The following PHOX2A variants were observed in gnomAD, a reference collection of about 807,000 sequenced individuals.
PHOX2A encodes the protein paired like homeobox 2A.
A neutral mutation model predicts 16.4 loss-of-function variants in PHOX2A; 10 were observed. The ratio of observed to expected loss-of-function variants is 0.61; its 90% confidence interval spans 0.38 to 1.04. PHOX2A has a LOEUF of 1.04. PHOX2A is among the 50% of genes least tolerant of loss of function. The probability of loss-of-function intolerance (pLI) is 0.01; values close to 1 mark genes in which losing one functional copy is unlikely to be tolerated. For synonymous variants in PHOX2A, 219 were observed against 203.8 expected (o/e 1.07, Z -0.64); for missense variants, 361 against 419.4 (o/e 0.86, Z 1.22).
chr11:72,242,731 A>T (rs1177903667), intron 1 of PHOX2A, among the ~76,000 whole-genome samples: 1 of 151,328 alleles, frequency 6.6e-6, no homozygotes, highest in East Asian at 1.9e-4. Context: ...GTCTCAGCTC[A>T]CTGCAACCTC....
chr11:72,241,469 C>T (rs1301333678), intron 1 of PHOX2A, among the ~76,000 whole-genome samples, 180 bp from the exon 2 acceptor site: 1 of 152,024 alleles, frequency 6.6e-6, no homozygotes, highest in African/African-American at 2.4e-5. Context: ...TCAATGGAGC[C>T]GGCGGGATAA....
chr11:72,240,757 G>C (rs547770045), intron 2 of PHOX2A, among the ~76,000 whole-genome samples: 1 of 152,314 alleles, frequency 6.6e-6, no homozygotes, highest in African/African-American at 2.4e-5. Context: ...GGGAACCCCA[G>C]GGGTGCTGAC....
At chr11:72,243,410 T>TGGGGTGATAAGTGGTGATAGGGC (rs1949137120) in intron 1 of PHOX2A, among the ~76,000 whole-genome samples, 2 of 150,018 alleles carry the variant, frequency 1.3e-5, no homozygotes, top group Admixed American at 6.6e-5. Flanking sequence ...GGTGATGGGG[T>TGGGGTGATAAGTGGTGATAGGGC]GGGGTGATAA....
In PHOX2A at chr11:72,239,826, C is replaced by T. The variant is rs745442750; in HGVS notation, c.778G>A (p.Gly260Ser). The T allele has an allele frequency of 5.1e-6, 7 of 1,364,656 alleles. No individual in the cohort carries two copies. Among genetic ancestry groups the T allele is most frequent in the East Asian group, 3.0e-5 (1 of 33,666 alleles). 84.5% of individuals were successfully genotyped at this position (1,364,656 alleles called of 1,614,324 possible). The change falls in exon 3 of 3, where the codon GGC becomes AGC. Residue 260 changes from glycine (G) to serine (S), a missense_variant. By Grantham distance (56) the Gly-to-Ser change is moderately conservative. Coordinates refer to ENST00000298231, the MANE Select transcript of PHOX2A (RefSeq NM_005169.4). Reference protein sequence around the residue: ...LLKAWQPAESGPGPFSGVLSS... With the variant: ...LLKAWQPAESSPGPFSGVLSS... ...AGAACCCCGGAGAAGGGCCCGGGGC[C>T]GGACTCCGCCGGCTGCCAAGCCTTA...
chr11:72,239,109 A>G lies in PHOX2A; in HGVS notation c.*640T>C, dbSNP rs1352436746. On this transcript the variant is annotated 3_prime_UTR_variant, in exon 3 of 3. Transcript: ENST00000298231. ...AATAAATTAAGTTTTATTTGGATTGAGTAAAACTTCAATAAATTACAAGTT... is the reference window on the plus strand; with the variant it reads ...AATAAATTAAGTTTTATTTGGATTGGGTAAAACTTCAATAAATTACAAGTT... The G allele has an allele frequency of 3.9e-5, 6 of 152,212 alleles. No homozygotes were observed. Among genetic ancestry groups the G allele is most frequent in the African/African-American group, 1.4e-4 (6 of 41,430 alleles). The allele number at this position is 152,212 out of a possible 1,614,324, so 9.4% of individuals were successfully genotyped here.
chr11:72,242,068 C>T (rs1160986463), intron 1 of PHOX2A, among the ~76,000 whole-genome samples: 1 of 151,910 alleles, frequency 6.6e-6, no homozygotes, highest in African/African-American at 2.4e-5. Context: ...GAGAAGACTT[C>T]CTCCATCTTC....
At chr11:72,241,332 TGGG>T (rs1565403072) in intron 1 of PHOX2A, 43 bp from the exon 2 acceptor site, 6 of 661,346 alleles carry the variant, frequency 9.1e-6, no homozygotes, top group Non-Finnish European at 1.4e-5. Context: ...GCAAAAAGGA[TGGG>T]GGAGTGAGAA....
At chr11:72,240,328 C>G in intron 2 of PHOX2A, 130 bp from the exon 3 acceptor site, 1 of 1,260,818 alleles carries the variant, frequency 7.9e-7, no homozygotes, top group Non-Finnish European at 1.1e-6. Flanking sequence ...GTTGGAGGGG[C>G]CTTCGGCCCT....
In PHOX2A at chr11:72,239,166, G is replaced by A. The variant is rs926009573; in HGVS notation, c.*583C>T. On this transcript the variant is annotated 3_prime_UTR_variant, in exon 3 of 3. Coordinates refer to ENST00000298231, the MANE Select transcript of PHOX2A (RefSeq NM_005169.4). ...AGAAAAAGGACAACCAAAAAAATTAGGGAAAGAGAATCCCTCTGTCCCATT... is the reference window on the plus strand; with the variant it reads ...AGAAAAAGGACAACCAAAAAAATTAAGGAAAGAGAATCCCTCTGTCCCATT... 6.6e-6 allele frequency: 1 copy of A among 152,276 alleles called. No individual in the cohort carries two copies. The highest frequency in any genetic ancestry group is 1.5e-5 in the Non-Finnish European group (1 of 68,078). The allele number at this position is 152,276 out of a possible 1,614,324, so 9.4% of individuals were successfully genotyped here. A position where few individuals can be genotyped will look rare whatever the true frequency, so the allele number is the denominator to read the frequency against.
intron 1 of PHOX2A, among the ~76,000 whole-genome samples, 167 bp downstream of exon 1, chr11:72,243,621 C>T (rs1459109223): frequency 1.3e-5 from 2 of 152,152 alleles, no homozygotes; most frequent in African/African-American, 2.4e-5. Flanking sequence ...GGGTGAGGCT[C>T]ATTCCTGCGG....
chr11:72,239,863 C>T lies in PHOX2A; in HGVS notation c.741G>A (p.Ala247=). The stretch of plus-strand genomic sequence containing the variant: ...GCTGCCAAGCCTTAAGTAGTTCGGC[C>T]GCTCCCGCGCCAGGCCCGCCGCCCC... ...GGGGGGPGAG[A]AELLKAWQPA... is the part of the protein sequence containing the mutation. The change falls in exon 3 of 3, where the codon GCG becomes GCA. Residue 247 remains alanine, a synonymous_variant. Transcript: ENST00000298231. 2.2e-6 allele frequency: 3 copies of T among 1,374,404 alleles called. No homozygotes were observed. The highest frequency in any genetic ancestry group is 2.9e-6 in the Non-Finnish European group (3 of 1,051,358). The allele number at this position is 1,374,404 out of a possible 1,614,324, so 85.1% of individuals were successfully genotyped here.
At position 72,241,104 on chromosome 11, in the gene PHOX2A, G is replaced by C; in HGVS notation, c.403C>G (p.Gln135Glu). Residue 135 changes from glutamine (Q) to glutamate (E), a missense_variant and splice_region_variant, in exon 2 of 3, where the codon CAG becomes GAG. Physicochemically the swap from Gln to Glu is conservative, Grantham distance 29 (BLOSUM62 2). Transcript: ENST00000298231. ...TACACACACGTGCATACACGCACCTGCACGCGAGCCTCAGTGAGGTCGATC... is the reference window on the plus strand; with the variant it reads ...TACACACACGTGCATACACGCACCTCCACGCGAGCCTCAGTGAGGTCGATC... The part of the protein sequence containing the change: ...LKIDLTEARV[Q>E]VWFQNRRAKF... 1 of 1,613,832 alleles carries C rather than the reference G, an allele frequency of 6.2e-7. No homozygotes were observed. The highest frequency in any genetic ancestry group is 2.2e-5 in the East Asian group (1 of 44,882).
chr11:72,239,401 A>C lies in PHOX2A; in HGVS notation c.*348T>G. ...GACCCAGCCGCTGCAGAGCCAGGGA[A>C]GGGGGCTGTGCCGATCCTCCTTGAG... On this transcript the variant is annotated 3_prime_UTR_variant, in exon 3 of 3. Coordinates refer to ENST00000298231, the MANE Select transcript of PHOX2A (RefSeq NM_005169.4). 6 of 191,002 alleles carry C rather than the reference A, an allele frequency of 3.1e-5. No homozygotes were observed. Among genetic ancestry groups the C allele is most frequent in the Non-Finnish European group, 4.3e-5 (4 of 93,758 alleles). 11.8% of individuals were successfully genotyped at this position (191,002 alleles called of 1,614,324 possible).
At chr11:72,241,718 G>A (rs1459767849) in intron 1 of PHOX2A, among the ~76,000 whole-genome samples, 1 of 151,514 alleles carries the variant, frequency 6.6e-6, no homozygotes, top group Non-Finnish European at 1.5e-5. Flanking sequence ...TGTCTGTCAG[G>A]TCTCATCAGC....
rs757575429 is a variant in PHOX2A, at chr11:72,241,095, C to T, written c.405+7G>A. On this transcript the variant is annotated splice_region_variant and intron_variant, in intron 2 of 2. Coordinates refer to ENST00000298231, the MANE Select transcript of PHOX2A (RefSeq NM_005169.4). ...GCACTCTCGTACACACACGTGCATA[C>T]ACGCACCTGCACGCGAGCCTCAGTG... 6.2e-7 allele frequency: 1 copy of T among 1,612,972 alleles called. No homozygotes were observed. The highest frequency in any genetic ancestry group is 8.5e-7 in the Non-Finnish European group (1 of 1,179,218).
Position 72,241,254 on chromosome 11 carries a change from G to C in PHOX2A, c.253C>G (p.His85Asp). Residue 85 changes from histidine (H) to aspartate (D), a missense_variant, in exon 2 of 3, where the codon CAC (histidine) becomes GAC (aspartate). Transcript: ENST00000298231. ...ATGCGCCGCTGCTTGCGCTTCTCGT[G>C]CAGGCCGGATGGCTCTGGGAAGAAC... ...YKFFPEPSGL[H>D]EKRKQRRIRT... The C allele has an allele frequency of 6.2e-7, 1 of 1,610,100 alleles. No homozygotes were observed. Among genetic ancestry groups the C allele is most frequent in the Non-Finnish European group, 8.5e-7 (1 of 1,178,900 alleles).
chr11:72,240,156 G>T lies in PHOX2A; in HGVS notation c.448C>A (p.Arg150Ser), dbSNP rs1350964049. 4.6e-6 allele frequency: 7 copies of T among 1,534,968 alleles called. No homozygotes were observed. The highest frequency in any genetic ancestry group is 5.2e-6 in the Non-Finnish European group (6 of 1,145,450). ...NRRAKFRKQE[R>S]AASAKGAAGA... ...GCCGCGCCCTTGGCGCTGGCCGCGC[G>T]CTCCTGTTTGCGGAACTTGGCCCGG... The change falls in exon 3 of 3, where the codon CGC becomes AGC. Residue 150 changes from arginine to serine, a missense_variant. This residue lies in a region of PHOX2A where 235 missense variants were observed against 263.8 expected (regional missense o/e 0.89). Transcript: ENST00000298231.
chr11:72,243,832 G>A lies in PHOX2A; in HGVS notation c.173C>T (p.Ala58Val). The A allele has an allele frequency of 2.4e-6, 3 of 1,252,726 alleles. No individual in the cohort carries two copies. Among genetic ancestry groups the A allele is most frequent in the South Asian group, 3.3e-5 (1 of 30,328 alleles). The allele number at this position is 1,252,726 out of a possible 1,614,324, so 77.6% of individuals were successfully genotyped here. ...CTGGTGGTCGCGTAGGGCGCCAAGTGCGCAGTTGGAGGAGCCGAGCGCGGG... is the reference window on the plus strand; with the variant it reads ...CTGGTGGTCGCGTAGGGCGCCAAGTACGCAGTTGGAGGAGCCGAGCGCGGG... Reference protein sequence around the residue: ...PCPALGSSNCALGALRDHQPA... With the variant: ...PCPALGSSNCVLGALRDHQPA... The change falls in exon 1 of 3, where the codon GCA becomes GTA. Residue 58 changes from alanine (A) to valine (V), a missense_variant. Transcript: ENST00000298231.
In PHOX2A at chr11:72,239,887, C is replaced by T. The variant is rs1193224158; in HGVS notation, c.717G>A (p.Gly239=). The T allele has an allele frequency of 3.7e-6, 5 of 1,360,276 alleles. No individual in the cohort carries two copies. Among genetic ancestry groups the T allele is most frequent in the East Asian group, 3.1e-5 (1 of 32,448 alleles). 84.3% of individuals were successfully genotyped at this position (1,360,276 alleles called of 1,614,324 possible). A position where few individuals can be genotyped will look rare whatever the true frequency, so the allele number is the denominator to read the frequency against. ...CCGCTCCCGCGCCAGGCCCGCCGCC[C>T]CCACCGCCCGCCACACCGGCCCACA... is the stretch of plus-strand genomic sequence containing the variant. The part of the protein sequence containing the change: ...GALWAGVAGG[G]GGGPGAGAAE... The change falls in exon 3 of 3, where the codon GGG becomes GGA. Residue 239 remains glycine, a synonymous_variant. Transcript: ENST00000298231.
Sources: gnomAD v4.1 joint callset for allele counts (sites outside exome capture counted in the v4.1 genomes callset) on GRCh38, gnomAD v4.1.1 for gene constraint, gnomAD v4.1.1 regional missense constraint, MANE v1.5 for transcripts, NCBI Gene and HGNC (gene_info 2026-07-23, HGNC 2026-07-21) for gene names.